MACF1: variants seen among roughly 807,000 people sequenced by gnomAD.
MACF1 encodes the protein microtubule-actin cross-linking factor 1.
MACF1 carries 193 observed loss-of-function variants against 854.8 expected under a neutral mutation model. That is an observed-to-expected ratio of 0.23 (90% confidence interval 0.20 to 0.25). The LOEUF (loss-of-function observed/expected upper bound fraction) is 0.25, where lower values mean the gene tolerates loss of function less well. MACF1 is among the 10% of genes least tolerant of loss of function. MACF1 has a pLI of 1.00. For synonymous variants in MACF1, 3,185 were observed against 3,226.7 expected, an observed-to-expected ratio of 0.99 and a Z score of 0.44; for missense variants, 7,722 against 8,929.1, an observed-to-expected ratio of 0.86 and a Z score of 5.45.
At chr1:39,434,701 T>C in intron 69 of MACF1, 69 bp downstream of exon 69, 2 of 1,397,488 alleles carry the variant, frequency 1.4e-6, no homozygotes, top group Non-Finnish European at 2.0e-6. Context: ...AAAACAACAT[T>C]TGTTAGTGTC....
chr1:39,370,538 A>G (rs1557614614), intron 51 of MACF1, among the ~76,000 whole-genome samples: 1 of 152,164 alleles, frequency 6.6e-6, no homozygotes, highest in Admixed American at 6.5e-5. Context: ...CCTTCCTCCC[A>G]TTCCCTGCAA....
intron 2 of MACF1, among the ~76,000 whole-genome samples, chr1:39,158,883 A>AT (rs1157204793): frequency 1.1e-4 from 17 of 152,228 alleles, no homozygotes; most frequent in Admixed American, 1.1e-3. Context: ...AGTAGAGATC[A>AT]TTCGGTTTGC....
intron 71 of MACF1, 67 bp downstream of exon 71, chr1:39,438,075 C>G: frequency 7.2e-7 from 1 of 1,386,062 alleles, no homozygotes. Context: ...TTATCTTCAG[C>G]ATCCCACCAG....
intron 43 of MACF1, among the ~76,000 whole-genome samples, chr1:39,351,390 A>T (rs1186191934): frequency 6.6e-6 from 1 of 152,046 alleles, no homozygotes; most frequent in African/African-American, 2.4e-5. Flanking sequence ...TTTTACAAGA[A>T]TCTTTATTTT....
chr1:39,218,697 T>C (rs532217185), intron 1 of MACF1, among the ~76,000 whole-genome samples: 16 of 152,340 alleles, frequency 1.1e-4, no homozygotes, highest in Admixed American at 5.9e-4. Flanking sequence ...CTTACTTCTT[T>C]CCTTTATTCT....
At chr1:39,223,294 A>G (rs1277489839) in intron 1 of MACF1, among the ~76,000 whole-genome samples, 1 of 152,202 alleles carries the variant, frequency 6.6e-6, no homozygotes, top group Non-Finnish European at 1.5e-5. Flanking sequence ...TTAGCTCCCA[A>G]GCTAAAAAGT....
intron 60 of MACF1, among the ~76,000 whole-genome samples, chr1:39,423,643 A>AT (rs1210166701): frequency 6.6e-6 from 1 of 151,888 alleles, no homozygotes; most frequent in African/African-American, 2.4e-5. Flanking sequence ...TCAAAAAAAA[A>AT]AAAAAAAAAT....
At chr1:39,296,778 A>AGGAAG (rs1645916057) in intron 20 of MACF1, among the ~76,000 whole-genome samples, 1 of 54,348 alleles carries the variant, frequency 1.8e-5, no homozygotes. Context: ...AAGGAAAAGA[A>AGGAAG]AGAAAGAAAG....
chr1:39,393,745 G>A (rs1338193738), intron 58 of MACF1, among the ~76,000 whole-genome samples: 1 of 151,770 alleles, frequency 6.6e-6, no homozygotes, highest in Non-Finnish European at 1.5e-5. Context: ...GGACGTTGAC[G>A]CTGCAGTGAG....
In MACF1 at chr1:39,409,996, A is replaced by G. The variant is rs1329860050; in HGVS notation, c.15817-12378A>G. The G allele has an allele frequency of 5.6e-6, 2 of 357,574 alleles. No individual in the cohort carries two copies. The highest frequency in any genetic ancestry group is 5.0e-6 in the Non-Finnish European group (1 of 199,874). 22.2% of individuals were successfully genotyped at this position (357,574 alleles called of 1,614,324 possible). ...TGAAAGAGCAGTGCTCTTAAAAAAA[A>G]TTAAACCATAAGCCATACAAGGAAT... On this transcript the variant is annotated intron_variant, in intron 58 of 100. Transcript: ENST00000564288. The surrounding 1 kb of genome is among the most constrained non-coding windows in gnomAD (Gnocchi z 4.2).
chr1:39,451,889 C>T (rs894417176), intron 85 of MACF1, among the ~76,000 whole-genome samples: 3 of 151,844 alleles, frequency 2.0e-5, no homozygotes, highest in African/African-American at 7.3e-5. Context: ...TTTTTTTCCC[C>T]TTGAGATTGG....
In MACF1 at chr1:39,302,995, C is replaced by T; in HGVS notation, c.2706C>T (p.Ser902=). The change falls in exon 23 of 101, where the codon AGC becomes AGT. Residue 902 remains serine, a synonymous_variant. Transcript: ENST00000564288. ...AGCGGACCAAATGGAAAGTGATCAG[C>T]CCCACAGGGAACGAGGCAATGGTGC... is the stretch of plus-strand genomic sequence containing the variant. ...NSQRTKWKVI[S]PTGNEAMVPS... 6.2e-7 allele frequency: 1 copy of T among 1,614,180 alleles called. No homozygotes were observed. Among genetic ancestry groups the T allele is most frequent in the East Asian group, 2.2e-5 (1 of 44,882 alleles).
chr1:39,160,057 G>A lies in MACF1; in HGVS notation c.221-71125G>A, dbSNP rs77609151. Among the ~76,000 whole-genome samples the A allele has an allele frequency of 2.8e-4, 43 of 152,246 alleles. No homozygotes were observed. In the East Asian group the frequency reaches 7.9e-3, roughly 28 times the overall value. ...AGGTCGGGCATGGTGGCTCGCACTC[G>A]TAATCCCAACACTTTGGGAGGCTGA... is the stretch of plus-strand genomic sequence containing the variant. On this transcript the variant is annotated intron_variant, in intron 2 of 93. Transcript: ENST00000361689.
Position 39,094,922 on chromosome 1 carries a change from CAG to C in MACF1, c.220+10487_220+10488del, listed in dbSNP as rs1216364865. Among the ~76,000 whole-genome samples the C allele has an allele frequency of 3.3e-5, 5 of 151,864 alleles. No homozygotes were observed. In the East Asian group the frequency reaches 9.7e-4, roughly 29 times the overall value. The stretch of plus-strand genomic sequence containing the variant: ...AACAAAACAAAAACCACAAAACACA[CAG>C]AGGATACAGGTGAAGAGATGCAGAG... On this transcript the variant is annotated intron_variant, in intron 2 of 93. Coordinates refer to the MACF1 transcript ENST00000361689.
chr1:39,377,728 G>A (rs911496967), intron 52 of MACF1, among the ~76,000 whole-genome samples: 2 of 152,126 alleles, frequency 1.3e-5, no homozygotes, highest in African/African-American at 4.8e-5. Flanking sequence ...TTTAGGCCAG[G>A]CACGGTGACT....
intron 58 of MACF1, chr1:39,413,370 C>G (rs763016429): frequency 1.6e-5 from 23 of 1,408,680 alleles, no homozygotes; most frequent in Non-Finnish European, 1.4e-5. Flanking sequence ...CAGTGCCCCC[C>G]CCAGAGGAGC....
At chr1:39,428,417 T>G (rs1415273601) in intron 63 of MACF1, 130 bp downstream of exon 63, 1 of 850,002 alleles carries the variant, frequency 1.2e-6, no homozygotes, top group African/African-American at 1.7e-5. Flanking sequence ...AAGTGCATAG[T>G]TAGTGGACTT....
At chr1:39,186,991 T>C (rs1295996784) in intron 2 of MACF1, among the ~76,000 whole-genome samples, 1 of 151,884 alleles carries the variant, frequency 6.6e-6, no homozygotes, top group Non-Finnish European at 1.5e-5. Context: ...TCTTGATTTT[T>C]TTTTTTTTTT....
intron 2 of MACF1, among the ~76,000 whole-genome samples, chr1:39,180,675 C>T (rs548246327): frequency 2.1e-4 from 32 of 152,262 alleles, no homozygotes; most frequent in South Asian, 2.1e-4. Flanking sequence ...ACATATTTGA[C>T]GCATTTGTGA....
Sources: allele counts gnomAD v4.1 joint callset (sites outside exome capture counted in the v4.1 genomes callset), GRCh38; gene constraint gnomAD v4.1.1; non-coding constraint Gnocchi (gnomAD v3.1); transcripts MANE v1.5; gene names NCBI Gene and HGNC (gene_info 2026-07-23, HGNC 2026-07-21).